CYP2C19: variants seen among roughly 807,000 people sequenced by gnomAD.
CYP2C19 encodes cytochrome P450 family 2 subfamily C member 19.
CYP2C19 carries 59 observed loss-of-function variants against 40.9 expected under a neutral mutation model. The ratio of observed to expected loss-of-function variants is 1.44; its 90% CI spans 1.17 to 1.79. The LOEUF (loss-of-function observed/expected upper bound fraction) is 1.79. Among genes scored for constraint, CYP2C19 ranks in the 40% most tolerant of loss-of-function variants. The pLI is 0.00. For missense variants in CYP2C19, 754 were observed against 596.9 expected (o/e 1.26, Z -2.74); for synonymous variants, 253 against 208.7 (o/e 1.21, Z -1.83).
intron 5 of CYP2C19, among the ~76,000 whole-genome samples, chr10:94,795,076 A>G (rs772604498): frequency 6.6e-6 from 1 of 151,598 alleles, no homozygotes; most frequent in East Asian, 1.9e-4. Flanking sequence ...ACATATGTAT[A>G]CATGTGCCAT....
At chr10:94,775,562 A>T in intron 3 of CYP2C19, 23 bp downstream of exon 3, 1 of 1,613,864 alleles carries the variant, frequency 6.2e-7, no homozygotes, top group Non-Finnish European at 8.5e-7. Context: ...ACTCTCTATC[A>T]CTGACCTTTC....
At chr10:94,820,662 T>C (rs376465187) in intron 6 of CYP2C19, 25 bp downstream of exon 6, 9 of 1,613,902 alleles carry the variant, frequency 5.6e-6, no homozygotes, top group Admixed American at 1.7e-5. Context: ...GATGAGTTAA[T>C]TGAGTTTTAG....
At chr10:94,812,561 CTA>C (rs1237331159) in intron 5 of CYP2C19, among the ~76,000 whole-genome samples, 2 of 152,158 alleles carry the variant, frequency 1.3e-5, no homozygotes, top group Non-Finnish European at 2.9e-5. Flanking sequence ...TTCTTGGAGG[CTA>C]TGTTCATTTC....
At chr10:94,773,758 A>C (rs952552483) in intron 1 of CYP2C19, 2 of 152,254 alleles carry the variant, frequency 1.3e-5, no homozygotes, top group Non-Finnish European at 2.9e-5. Flanking sequence ...CAGCTCATAA[A>C]GGTAGTGAAG....
rs140227155 is a variant in CYP2C19 at position 94,851,679 on chromosome 10, A to G, written c.1292-1054A>G. 3.1e-3 allele frequency among the ~76,000 whole-genome samples: 473 copies of G among 151,964 alleles called. 3 individuals are homozygous for G. Among genetic ancestry groups the G allele is most frequent in the African/African-American group, 0.011 (450 of 41,438 alleles). ...TGAGGGCCTGTTCCTTATTGATAATACCCCCTCTGTATCCTCATGTGGCAG... is the reference window on the plus strand; with the variant it reads ...TGAGGGCCTGTTCCTTATTGATAATGCCCCCTCTGTATCCTCATGTGGCAG... On this transcript the variant is annotated intron_variant, in intron 8 of 8. Transcript: ENST00000371321.
At chr10:94,833,073 G>A (rs1340223292) in intron 6 of CYP2C19, among the ~76,000 whole-genome samples, 3 of 151,960 alleles carry the variant, frequency 2.0e-5, no homozygotes, top group African/African-American at 7.3e-5. Flanking sequence ...TTCACTGTTG[G>A]CATATATCAA....
intron 5 of CYP2C19, among the ~76,000 whole-genome samples, chr10:94,789,286 C>G (rs533387615): frequency 6.6e-6 from 1 of 151,752 alleles, no homozygotes; most frequent in South Asian, 2.1e-4. Flanking sequence ...TTCTCCCATT[C>G]TCTAGGTGGC....
chr10:94,778,119 T>C (rs1217949125), intron 3 of CYP2C19, among the ~76,000 whole-genome samples: 5 of 152,138 alleles, frequency 3.3e-5, no homozygotes, highest in Non-Finnish European at 5.9e-5. Flanking sequence ...TGCATGTTTT[T>C]ATTCAGTGCA....
rs141848466 is a variant in CYP2C19 at position 94,854,982 on chromosome 10, A to G, written c.*2068A>G. Among the ~76,000 whole-genome samples the G allele has an allele frequency of 3.9e-5, 6 of 152,332 alleles. No individual in the cohort carries two copies. The highest frequency in any genetic ancestry group is 6.5e-5 in the Admixed American group (1 of 15,304). On this transcript the variant is annotated 3_prime_UTR_variant, in exon 9 of 9. Transcript: ENST00000371321. ...TTAGTAGAGGTGTTGACAAACACCC[A>G]TGGGTGAGATAAATAAAAAAGTTGT...
chr10:94,794,379 G>A (rs1045744941), intron 5 of CYP2C19, among the ~76,000 whole-genome samples: 1 of 152,080 alleles, frequency 6.6e-6, no homozygotes, highest in African/African-American at 2.4e-5. Flanking sequence ...ACAAGCCCCA[G>A]TGAGATGAAC....
intron 8 of CYP2C19, 46 bp from the exon 9 acceptor site, chr10:94,852,687 C>T (rs770428716): frequency 2.2e-5 from 34 of 1,580,758 alleles, no homozygotes; most frequent in Non-Finnish European, 3.0e-5. Flanking sequence ...GTCACTCTCA[C>T]AGTTACACAT....
intron 6 of CYP2C19, among the ~76,000 whole-genome samples, chr10:94,829,969 G>T (rs558977197): frequency 1.3e-5 from 2 of 152,218 alleles, no homozygotes; most frequent in African/African-American, 4.8e-5. Context: ...GGCTGCTCAG[G>T]GGTCAGGGGT....
chr10:94,820,716 C>A, intron 6 of CYP2C19, 79 bp downstream of exon 6: 1 of 1,554,520 alleles, frequency 6.4e-7, no homozygotes, highest in East Asian at 2.3e-5. Context: ...CTTTCTGTTT[C>A]TCTTAGAGAA....
At chr10:94,826,089 T>C (rs1228627561) in intron 6 of CYP2C19, among the ~76,000 whole-genome samples, 6 of 151,904 alleles carry the variant, frequency 3.9e-5, no homozygotes, top group African/African-American at 1.2e-4. Flanking sequence ...AGTCAGGTAG[T>C]GTGATGCCTC....
intron 6 of CYP2C19, among the ~76,000 whole-genome samples, chr10:94,826,815 T>C (rs1849232839): frequency 1.3e-5 from 2 of 152,224 alleles, no homozygotes; most frequent in African/African-American, 4.8e-5. Context: ...TAGCTCTTAT[T>C]ATTTTGAAAT....
chr10:94,834,808 G>T (rs552711092), intron 6 of CYP2C19, among the ~76,000 whole-genome samples: 1 of 152,274 alleles, frequency 6.6e-6, no homozygotes, highest in South Asian at 2.1e-4. Context: ...TGCAAGCCCC[G>T]TGTTTAAAGG....
Position 94,831,129 on chromosome 10 carries a change from T to A in CYP2C19, c.961+10492T>A, listed in dbSNP as rs112314872. Among the ~76,000 whole-genome samples, 473 of 152,350 alleles carry A rather than the reference T, an allele frequency of 3.1e-3. 3 individuals are homozygous for A. The highest frequency in any genetic ancestry group is 0.011 in the African/African-American group (450 of 41,578). ...CACAAATAAGTGAGAACATGCTATG[T>A]TTGTTTTTCTGTACCTGGCTTATTT... On this transcript the variant is annotated intron_variant, in intron 6 of 8. Coordinates refer to ENST00000371321, the MANE Select transcript of CYP2C19 (RefSeq NM_000769.4).
chr10:94,804,545 C>A, intron 5 of CYP2C19, among the ~76,000 whole-genome samples: 1 of 152,214 alleles, frequency 6.6e-6, no homozygotes, highest in East Asian at 1.9e-4. Flanking sequence ...TCCCTCTCAG[C>A]ATGTTCAAGC....
chr10:94,852,939 C>G lies in CYP2C19; in HGVS notation c.*25C>G, dbSNP rs376249059. ...AAGAAGCACAGATGGTCTGGCTGCT[C>G]CTGTGCTGTCCCTGCAGCTCTCTTT... On this transcript the variant is annotated 3_prime_UTR_variant, in exon 9 of 9. Coordinates refer to ENST00000371321, the MANE Select transcript of CYP2C19 (RefSeq NM_000769.4). 5 of 1,612,318 alleles carry G rather than the reference C, an allele frequency of 3.1e-6. No homozygotes were observed. Among genetic ancestry groups the G allele is most frequent in the Admixed American group, 3.3e-5 (2 of 59,916 alleles).
Sources: allele counts gnomAD v4.1 joint callset (sites outside exome capture counted in the v4.1 genomes callset), GRCh38; gene constraint gnomAD v4.1.1; transcripts MANE v1.5; gene names NCBI Gene and HGNC (gene_info 2026-07-23, HGNC 2026-07-21).